The following FRMD4A variants were observed in gnomAD, a reference collection of about 807,000 sequenced individuals.
The protein encoded by FRMD4A is FERM domain-containing protein 4A.
Under a neutral mutation model 129.1 loss-of-function variants are expected in FRMD4A, and 29 were observed. The ratio of observed to expected loss-of-function variants is 0.22; its 90% CI spans 0.17 to 0.31. The LOEUF is 0.31. Ranked by LOEUF, FRMD4A falls within the 10% of genes least tolerant of loss-of-function variation. The pLI, the probability that FRMD4A is intolerant of heterozygous loss-of-function variation, is 1.00. For missense variants in FRMD4A, 1,272 were observed against 1,375.8 expected (o/e 0.92, Z 1.19); for synonymous variants, 634 against 571.6 (o/e 1.11, Z -1.56).
At chr10:13,745,946 G>A (rs1370263858) in intron 9 of FRMD4A, among the ~76,000 whole-genome samples, 2 of 152,122 alleles carry the variant, frequency 1.3e-5, no homozygotes, top group African/African-American at 2.4e-5. Flanking sequence ...TTGGGGGTTC[G>A]GATTGCAAGT....
chr10:13,916,206 A>G (rs112835517), intron 2 of FRMD4A, among the ~76,000 whole-genome samples: 5 of 152,254 alleles, frequency 3.3e-5, no homozygotes, highest in African/African-American at 1.2e-4. Flanking sequence ...CTTCCCCACC[A>G]GGGAAGGGTC....
chr10:13,715,658 C>G (rs1032012078), intron 12 of FRMD4A, among the ~76,000 whole-genome samples: 6 of 152,110 alleles, frequency 3.9e-5, no homozygotes, highest in Non-Finnish European at 7.4e-5. Context: ...GTAATCCCAG[C>G]ACTTTGGGAG....
intron 2 of FRMD4A, among the ~76,000 whole-genome samples, chr10:13,989,475 C>G (rs1368005249): frequency 6.6e-6 from 1 of 152,126 alleles, no homozygotes; most frequent in Non-Finnish European, 1.5e-5. Context: ...CCTGACTCAG[C>G]CTCCCACCAC....
intron 2 of FRMD4A, among the ~76,000 whole-genome samples, chr10:13,862,087 T>C (rs112238542): frequency 2.6e-5 from 4 of 152,170 alleles, no homozygotes; most frequent in African/African-American, 9.7e-5. Context: ...CAGAAAGTTA[T>C]GTTAAATTCT....
At chr10:13,722,392 C>T (rs999810368) in intron 12 of FRMD4A, among the ~76,000 whole-genome samples, 2 of 150,642 alleles carry the variant, frequency 1.3e-5, no homozygotes, top group Non-Finnish European at 2.9e-5. Context: ...CCACCATACT[C>T]GGCTAATTAA....
At chr10:13,780,223 A>T (rs554268062) in intron 6 of FRMD4A, among the ~76,000 whole-genome samples, 23 of 151,890 alleles carry the variant, frequency 1.5e-4, no homozygotes, top group Non-Finnish European at 3.1e-4. Context: ...GTTACTCGGG[A>T]GGCTGAGGCG....
rs185529032 is a variant in FRMD4A, at chr10:13,835,178, G to T, written c.111+23669C>A. On this transcript the variant is annotated intron_variant, in intron 3 of 24. Coordinates refer to ENST00000357447, the MANE Select transcript of FRMD4A (RefSeq NM_018027.5). ...GCCGCCGAACTTGGCTTTGAGCCCA[G>T]TTACTTCACTCGTGGAGCTGTGTGA... Among the ~76,000 whole-genome samples the T allele has an allele frequency of 9.5e-4, 145 of 152,320 alleles. 3 individuals are homozygous for T. Among genetic ancestry groups the T allele is most frequent in the African/African-American group, 3.3e-3 (139 of 41,566 alleles).
intron 2 of FRMD4A, among the ~76,000 whole-genome samples, chr10:14,131,845 C>T (rs1451145111): frequency 1.3e-5 from 2 of 152,116 alleles, no homozygotes; most frequent in Non-Finnish European, 2.9e-5. Context: ...CACCTCTGGC[C>T]TTTTCTTATA....
chr10:13,898,261 T>C (rs1361756174), intron 2 of FRMD4A, among the ~76,000 whole-genome samples: 1 of 151,982 alleles, frequency 6.6e-6, no homozygotes, highest in East Asian at 1.9e-4. Context: ...TAGTCCCAGC[T>C]ACTTGGGAGG....
chr10:14,307,440 C>A (rs1218406), intron 2 of FRMD4A, among the ~76,000 whole-genome samples: 7,821 of 152,262 alleles, frequency 0.051, 498 homozygotes, highest in African/African-American at 0.15. Context: ...ACATTCACAC[C>A]ACATGTTTGA....
intron 13 of FRMD4A, among the ~76,000 whole-genome samples, chr10:13,702,673 T>G (rs1205464707): frequency 6.6e-6 from 1 of 152,112 alleles, no homozygotes; most frequent in Non-Finnish European, 1.5e-5. Flanking sequence ...CATATCTAAT[T>G]TGGAAGAAAC....
chr10:14,046,576 G>A (rs1033314205), intron 2 of FRMD4A, among the ~76,000 whole-genome samples: 1 of 152,148 alleles, frequency 6.6e-6, no homozygotes, highest in Non-Finnish European at 1.5e-5. Flanking sequence ...TTAATGCCAA[G>A]GTAGAGGTAA....
chr10:14,290,867 G>A (rs963964211), intron 2 of FRMD4A, among the ~76,000 whole-genome samples: 5 of 152,006 alleles, frequency 3.3e-5, no homozygotes, highest in African/African-American at 1.2e-4. Context: ...TAAAATATAT[G>A]ATAAATGACT....
intron 2 of FRMD4A, among the ~76,000 whole-genome samples, chr10:13,963,703 C>T (rs1328543068): frequency 6.6e-6 from 1 of 152,170 alleles, no homozygotes; most frequent in Non-Finnish European, 1.5e-5. Flanking sequence ...AAGAAGAAAA[C>T]ACACAAAGCG....
intron 2 of FRMD4A, among the ~76,000 whole-genome samples, chr10:14,102,679 T>G (rs1258960525): frequency 6.6e-6 from 1 of 152,104 alleles, no homozygotes. Flanking sequence ...CTCTCAATTT[T>G]ATCCACAGCA....
At position 13,656,849 on chromosome 10, in the gene FRMD4A, C is replaced by T. The variant is rs2082193784; in HGVS notation, c.2740G>A (p.Ala914Thr). 6.7e-7 allele frequency: 1 copy of T among 1,503,330 alleles called. No individual in the cohort carries two copies. Among genetic ancestry groups the T allele is most frequent in the South Asian group, 1.3e-5 (1 of 78,012 alleles). The allele number at this position is 1,503,330 out of a possible 1,614,324, so 93.1% of individuals were successfully genotyped here. A position where few individuals can be genotyped will look rare whatever the true frequency, so the allele number is the denominator to read the frequency against. ...LRTPSLGREG[A>T]HDKGAGRAAV... Reference sequence around the variant, plus strand: ...GCACGGCCCGCGCCCTTGTCGTGGGCGCCCTCGCGGCCCAGCGACGGAGTC... The same window carrying T: ...GCACGGCCCGCGCCCTTGTCGTGGGTGCCCTCGCGGCCCAGCGACGGAGTC... The change falls in exon 22 of 25, where the codon GCC becomes ACC. Residue 914 changes from alanine (A) to threonine (T), a missense_variant. Physicochemically the swap from Ala to Thr is moderately conservative, Grantham distance 58. This residue lies in a region of FRMD4A where 972 missense variants were observed against 892.3 expected (regional missense o/e 1.09). Coordinates refer to ENST00000357447, the MANE Select transcript of FRMD4A (RefSeq NM_018027.5).
At chr10:14,216,551 TTGATTTTGTC>T (rs1204874941) in intron 2 of FRMD4A, among the ~76,000 whole-genome samples, 4 of 152,130 alleles carry the variant, frequency 2.6e-5, no homozygotes, top group African/African-American at 7.2e-5. Flanking sequence ...TAGAAGAGAT[TTGATTTTGTC>T]TGATTTTGTC....
chr10:14,244,484 G>A (rs554981931), intron 2 of FRMD4A, among the ~76,000 whole-genome samples: 25 of 152,192 alleles, frequency 1.6e-4, no homozygotes, highest in Non-Finnish European at 2.4e-4. Context: ...TCCACATGAG[G>A]AGTCATGGTA....
chr10:14,290,826 C>A (rs1254623134), intron 2 of FRMD4A, among the ~76,000 whole-genome samples: 1 of 152,022 alleles, frequency 6.6e-6, no homozygotes, highest in East Asian at 1.9e-4. Flanking sequence ...ATAATGGTAC[C>A]TACCTCACAT....
Sources: gnomAD v4.1 joint callset for allele counts (sites outside exome capture counted in the v4.1 genomes callset) on GRCh38, gnomAD v4.1.1 for gene constraint, gnomAD v4.1.1 regional missense constraint, MANE v1.5 for transcripts, NCBI Gene and HGNC (gene_info 2026-07-23, HGNC 2026-07-21) for gene names.